Variants in BSDC1 observed in about 807,000 individuals in gnomAD.
BSDC1 encodes BSD domain containing 1.
Under a neutral mutation model 56.0 loss-of-function variants are expected in BSDC1, and 29 were observed. The ratio of observed to expected loss-of-function variants is 0.52; its 90% CI spans 0.39 to 0.71. The LOEUF (loss-of-function observed/expected upper bound fraction) is 0.71, where lower values mean the gene tolerates loss of function less well. Ranked by LOEUF, BSDC1 falls within the 30% of genes least tolerant of loss-of-function variation. The pLI, the probability that BSDC1 is intolerant of heterozygous loss-of-function variation, is 0.00. For synonymous variants in BSDC1, 210 were observed against 215.3 expected, an observed-to-expected ratio of 0.98 and a Z score of 0.21; for missense variants, 477 against 548.5, an observed-to-expected ratio of 0.87 and a Z score of 1.30.
At chr1:32,375,009 G>A (rs1010592364) in intron 9 of BSDC1, among the ~76,000 whole-genome samples, 1 of 152,056 alleles carries the variant, frequency 6.6e-6, no homozygotes, top group Admixed American at 6.5e-5. Flanking sequence ...AAAATTAGCC[G>A]GGCATGATAG....
Position 32,364,876 on chromosome 1 carries a change from C to T in BSDC1, c.*1746G>A, listed in dbSNP as rs1007570849. 1.3e-5 allele frequency among the ~76,000 whole-genome samples: 2 copies of T among 152,260 alleles called. No individual in the cohort carries two copies. The highest frequency in any genetic ancestry group is 6.5e-5 in the Admixed American group (1 of 15,284). On this transcript the variant is annotated 3_prime_UTR_variant, in exon 11 of 11. Coordinates refer to ENST00000455895, the MANE Select transcript of BSDC1 (RefSeq NM_018045.8). Reference sequence around the variant, plus strand: ...CTTCCTTTCCAAAGGAAAGCAGAGGCACTGGGAGTGCAGAGATGGCCTCCC... The same window carrying T: ...CTTCCTTTCCAAAGGAAAGCAGAGGTACTGGGAGTGCAGAGATGGCCTCCC...
At position 32,378,918 on chromosome 1, in the gene BSDC1, T is replaced by C. The variant is rs150681418; in HGVS notation, c.413-79A>G. ...TGGGCTTACAGAACATATCTAAGGC[T>C]GGACATGGAAAATGAAGAAAGCTTG... is the stretch of plus-strand genomic sequence containing the variant. On this transcript the variant is annotated intron_variant, in intron 5 of 10. Transcript: ENST00000455895. The surrounding 1 kb of genome is among the most constrained non-coding windows in gnomAD (Gnocchi z 5.2). The C allele has an allele frequency of 3.2e-5, 31 of 980,836 alleles. No homozygotes were observed. In the African/African-American group the frequency reaches 5.1e-4, roughly 16 times the overall value. The allele number at this position is 980,836 out of a possible 1,614,324, so 60.8% of individuals were successfully genotyped here. A position where few individuals can be genotyped will look rare whatever the true frequency, so the allele number is the denominator to read the frequency against.
intron 4 of BSDC1, among the ~76,000 whole-genome samples, chr1:32,381,777 C>T (rs1275658757): frequency 6.6e-6 from 1 of 152,216 alleles, no homozygotes; most frequent in Non-Finnish European, 1.5e-5. Context: ...TTGCAGGAAG[C>T]ATGGGCTATG....
chr1:32,393,143 G>T (rs917234856), intron 2 of BSDC1, among the ~76,000 whole-genome samples: 1 of 152,188 alleles, frequency 6.6e-6, no homozygotes, highest in Admixed American at 6.5e-5. Flanking sequence ...CCCTGAAGCA[G>T]GACTCATCCC....
chr1:32,394,229 C>T (rs1642973255), intron 1 of BSDC1, 89 bp from the exon 2 acceptor site: 1 of 1,563,968 alleles, frequency 6.4e-7, no homozygotes, highest in Non-Finnish European at 8.7e-7. Context: ...ATGTACCCTG[C>T]GGGCCGAGGC....
At chr1:32,388,307 A>G (rs191195248) in intron 2 of BSDC1, among the ~76,000 whole-genome samples, 73 of 152,258 alleles carry the variant, frequency 4.8e-4, no homozygotes, top group African/African-American at 1.6e-3. Flanking sequence ...TCATGCCTCC[A>G]TATCAACTCA....
intron 9 of BSDC1, among the ~76,000 whole-genome samples, chr1:32,372,195 G>A (rs1642117245): frequency 1.3e-5 from 2 of 152,200 alleles, no homozygotes; most frequent in African/African-American, 4.8e-5. Context: ...ATGTCATTCT[G>A]TACACGGTAC....
At chr1:32,367,395 A>G in intron 10 of BSDC1, 1 of 985,466 alleles carries the variant, frequency 1.0e-6, no homozygotes, top group Non-Finnish European at 1.2e-6. Context: ...TGTCCTGGGT[A>G]TAGTGAGGTA....
intron 9 of BSDC1, among the ~76,000 whole-genome samples, chr1:32,369,724 C>T (rs1327534404): frequency 1.3e-5 from 2 of 152,228 alleles, no homozygotes; most frequent in African/African-American, 2.4e-5. Flanking sequence ...CAAATCGTAC[C>T]TTCTAGATGT....
At chr1:32,393,958 C>A in intron 2 of BSDC1, 122 bp downstream of exon 2, 1 of 912,366 alleles carries the variant, frequency 1.1e-6, no homozygotes, top group Non-Finnish European at 1.7e-6. Context: ...AAAAGAAAGG[C>A]CCAGGTCAGC....
At chr1:32,371,028 C>G (rs372501752) in intron 9 of BSDC1, among the ~76,000 whole-genome samples, 79 of 152,010 alleles carry the variant, frequency 5.2e-4, no homozygotes, top group South Asian at 4.6e-3. Context: ...GATCATTGCT[C>G]TAAACATTCA....
intron 4 of BSDC1, among the ~76,000 whole-genome samples, chr1:32,382,484 A>G (rs1642515344): frequency 6.6e-6 from 1 of 151,284 alleles, no homozygotes; most frequent in African/African-American, 2.4e-5. Context: ...CAAAAAACAA[A>G]AAACAAACAA....
At chr1:32,382,282 G>A (rs1280649841) in intron 4 of BSDC1, among the ~76,000 whole-genome samples, 2 of 150,326 alleles carry the variant, frequency 1.3e-5, no homozygotes, top group Non-Finnish European at 3.0e-5. Flanking sequence ...AGCCAGCCTA[G>A]GCAACATGGG....
At chr1:32,380,396 G>C (rs1642440325) in intron 5 of BSDC1, among the ~76,000 whole-genome samples, 1 of 152,138 alleles carries the variant, frequency 6.6e-6, no homozygotes, top group African/African-American at 2.4e-5. Flanking sequence ...TGTAATCCCT[G>C]CATTTTTGGG....
chr1:32,370,829 AAAATT>A (rs1642053850), intron 9 of BSDC1, among the ~76,000 whole-genome samples: 1 of 151,256 alleles, frequency 6.6e-6, no homozygotes, highest in African/African-American at 2.4e-5. Flanking sequence ...AAAAAAAAAA[AAAATT>A]CTAGCCATGT....
chr1:32,372,560 G>A (rs1397278241), intron 9 of BSDC1, among the ~76,000 whole-genome samples: 6 of 152,200 alleles, frequency 3.9e-5, no homozygotes, highest in Admixed American at 3.3e-4. Context: ...GAAGGCTTCA[G>A]GTGGTGCAGG....
chr1:32,388,671 C>A (rs950347274), intron 2 of BSDC1, among the ~76,000 whole-genome samples: 4 of 152,196 alleles, frequency 2.6e-5, no homozygotes, highest in Non-Finnish European at 5.9e-5. Flanking sequence ...AGACTGGTAT[C>A]CCCTACCACT....
At chr1:32,366,692 T>A in intron 10 of BSDC1, 38 bp from the exon 11 acceptor site, 1 of 1,455,650 alleles carries the variant, frequency 6.9e-7, no homozygotes, top group Non-Finnish European at 9.1e-7. Flanking sequence ...CACAAACACA[T>A]AGTTACTCCT....
intron 9 of BSDC1, among the ~76,000 whole-genome samples, chr1:32,373,531 A>G (rs1475916493): frequency 6.6e-6 from 1 of 151,346 alleles, no homozygotes; most frequent in Admixed American, 6.6e-5. Flanking sequence ...TTTCTTTCCT[A>G]TTTTTTTGAG....
Sources: gnomAD v4.1 joint callset for allele counts (sites outside exome capture counted in the v4.1 genomes callset) on GRCh38, gnomAD v4.1.1 for gene constraint, Gnocchi (gnomAD v3.1) non-coding constraint, MANE v1.5 for transcripts, NCBI Gene and HGNC (gene_info 2026-07-23, HGNC 2026-07-21) for gene names.